Variants in UBE2G1 observed in about 807,000 individuals in gnomAD.
The protein encoded by UBE2G1 is ubiquitin-conjugating enzyme E2 G1.
In UBE2G1, 5 loss-of-function variants were observed where a neutral mutation model predicts 22.7. That is an observed-to-expected ratio of 0.22 (90% CI 0.12 to 0.46). The LOEUF is 0.46. UBE2G1 is among the 20% of genes least tolerant of loss of function. The pLI is 0.99. For missense variants in UBE2G1, 88 were observed against 203.9 expected (o/e 0.43, Z 3.46); for synonymous variants, 74 against 67.5 (o/e 1.10, Z -0.47).
At chr17:4,291,591 C>T (rs1444336000) in intron 3 of UBE2G1, among the ~76,000 whole-genome samples, 1 of 151,924 alleles carries the variant, frequency 6.6e-6, no homozygotes, top group East Asian at 1.9e-4. Context: ...ATCACTAATC[C>T]AGGATCTTTA....
intron 1 of UBE2G1, among the ~76,000 whole-genome samples, chr17:4,347,143 C>T (rs1365304267): frequency 2.6e-5 from 4 of 152,094 alleles, no homozygotes; most frequent in South Asian, 4.2e-4. Context: ...AACAGAGTTA[C>T]TCCAGCTCAA....
At chr17:4,318,374 C>T (rs1403973967) in intron 1 of UBE2G1, among the ~76,000 whole-genome samples, 1 of 152,048 alleles carries the variant, frequency 6.6e-6, no homozygotes, top group African/African-American at 2.4e-5. Flanking sequence ...ACAAGGCCCC[C>T]GGTACCCCAA....
At chr17:4,278,896 A>T (rs1968851178) in intron 5 of UBE2G1, among the ~76,000 whole-genome samples, 1 of 152,238 alleles carries the variant, frequency 6.6e-6, no homozygotes, top group Non-Finnish European at 1.5e-5. Flanking sequence ...CTTTAGCTTT[A>T]CTTCGGACTT....
intron 4 of UBE2G1, among the ~76,000 whole-genome samples, chr17:4,285,124 G>GT (rs1567514972): frequency 6.6e-6 from 1 of 151,990 alleles, no homozygotes. Context: ...GATTACAGGC[G>GT]TAAGCCACCA....
chr17:4,311,022 G>A (rs1252769078), intron 1 of UBE2G1, among the ~76,000 whole-genome samples: 1 of 151,936 alleles, frequency 6.6e-6, no homozygotes, highest in South Asian at 2.1e-4. Flanking sequence ...GCCAGCCTGG[G>A]CAACATGGCA....
intron 1 of UBE2G1, among the ~76,000 whole-genome samples, chr17:4,346,477 C>T (rs1969775364): frequency 6.8e-6 from 1 of 147,798 alleles, no homozygotes; most frequent in Admixed American, 6.8e-5. Flanking sequence ...CGCTGTTGCC[C>T]AGGCTGGAGT....
At chr17:4,350,884 C>G (rs1003148853) in intron 1 of UBE2G1, among the ~76,000 whole-genome samples, 9 of 151,708 alleles carry the variant, frequency 5.9e-5, no homozygotes, top group Non-Finnish European at 1.3e-4. Flanking sequence ...TACAAAAAAA[C>G]TAGCCGGGCA....
At chr17:4,360,148 CACT>C (rs1398909557) in intron 1 of UBE2G1, among the ~76,000 whole-genome samples, 4 of 152,168 alleles carry the variant, frequency 2.6e-5, no homozygotes, top group African/African-American at 9.7e-5. Context: ...CATAAGCCCA[CACT>C]TCCTTCTCTG....
At chr17:4,321,240 A>C (rs2143760102) in intron 1 of UBE2G1, among the ~76,000 whole-genome samples, 1 of 152,236 alleles carries the variant, frequency 6.6e-6, no homozygotes, top group South Asian at 2.1e-4. Flanking sequence ...CTGAACTGTA[A>C]GTCAAAGGAA....
chr17:4,302,369 G>A (rs566879603), intron 2 of UBE2G1: 1 of 486,388 alleles, frequency 2.1e-6, no homozygotes, highest in East Asian at 5.5e-5. Flanking sequence ...GGAGCCCTTG[G>A]GTTGCTGTGT....
At chr17:4,299,684 C>T (rs1329979905) in intron 2 of UBE2G1, among the ~76,000 whole-genome samples, 1 of 152,174 alleles carries the variant, frequency 6.6e-6, no homozygotes, top group East Asian at 1.9e-4. Context: ...TTAAAGCACA[C>T]AATTTTCACT....
At chr17:4,278,191 C>A (rs558347796) in intron 5 of UBE2G1, among the ~76,000 whole-genome samples, 1 of 152,220 alleles carries the variant, frequency 6.6e-6, no homozygotes, top group East Asian at 1.9e-4. Context: ...TGCGCCACCG[C>A]GCCCGGCCTA....
At chr17:4,312,242 A>G (rs998579206) in intron 1 of UBE2G1, among the ~76,000 whole-genome samples, 1 of 151,898 alleles carries the variant, frequency 6.6e-6, no homozygotes, top group African/African-American at 2.4e-5. Flanking sequence ...CAAAAAAAAG[A>G]AAGAAAAAAA....
At chr17:4,274,339 A>C (rs1369830290) in intron 5 of UBE2G1, among the ~76,000 whole-genome samples, 1 of 151,890 alleles carries the variant, frequency 6.6e-6, no homozygotes, top group African/African-American at 2.4e-5. Flanking sequence ...CTGGGAATAC[A>C]GGCGCCTGCC....
At chr17:4,326,284 T>C (rs569363503) in intron 1 of UBE2G1, among the ~76,000 whole-genome samples, 8 of 152,280 alleles carry the variant, frequency 5.3e-5, no homozygotes, top group African/African-American at 1.7e-4. Context: ...ATGACTTGAA[T>C]AGGCATTTCT....
At chr17:4,308,657 G>T (rs1180915019) in intron 1 of UBE2G1, among the ~76,000 whole-genome samples, 4 of 152,238 alleles carry the variant, frequency 2.6e-5, no homozygotes, top group Non-Finnish European at 5.9e-5. Flanking sequence ...CCGGCCAGTG[G>T]AACTGAGTAC....
chr17:4,302,586 A>G, intron 2 of UBE2G1: 2 of 393,894 alleles, frequency 5.1e-6, no homozygotes, highest in Middle Eastern at 3.9e-4. Context: ...ATTGCCTGTG[A>G]TTCTATGTGA....
intron 1 of UBE2G1, among the ~76,000 whole-genome samples, chr17:4,319,667 C>T (rs1456963177): frequency 2.0e-5 from 3 of 150,834 alleles, no homozygotes; most frequent in African/African-American, 7.3e-5. Context: ...CCCAGGAGGT[C>T]GAGGCTGCAG....
intron 4 of UBE2G1, among the ~76,000 whole-genome samples, chr17:4,287,146 C>G (rs895732123): frequency 3.4e-5 from 5 of 147,192 alleles, no homozygotes; most frequent in African/African-American, 1.3e-4. Context: ...CACTGTTACC[C>G]TGGCTGGAGT....
Sources: allele counts gnomAD v4.1 joint callset (sites outside exome capture counted in the v4.1 genomes callset), GRCh38; gene constraint gnomAD v4.1.1; transcripts MANE v1.5; gene names NCBI Gene and HGNC (gene_info 2026-07-23, HGNC 2026-07-21).